Variants in CNTNAP2 observed in about 807,000 individuals in gnomAD.
CNTNAP2 encodes the protein contactin-associated protein-like 2.
CNTNAP2 carries 98 observed loss-of-function variants against 155.2 expected under a neutral mutation model. The observed-to-expected ratio is 0.63, with a 90% CI of 0.54 to 0.75. The LOEUF is 0.75. Ranked by LOEUF, CNTNAP2 falls within the 30% of genes least tolerant of loss-of-function variation. The pLI is 0.00. For synonymous variants in CNTNAP2, 651 were observed against 631.2 expected (o/e 1.03, Z -0.47); for missense variants, 1,727 against 1,688.1 (o/e 1.02, Z -0.40).
chr7:148,412,235 C>T (rs571404455), intron 23 of CNTNAP2, among the ~76,000 whole-genome samples: 6 of 152,342 alleles, frequency 3.9e-5, no homozygotes, highest in South Asian at 2.1e-4. Context: ...CCATCGCTCC[C>T]GGCCTGTTGT....
intron 12 of CNTNAP2, among the ~76,000 whole-genome samples, chr7:147,573,797 C>T (rs966113158): frequency 1.3e-5 from 2 of 152,078 alleles, no homozygotes; most frequent in African/African-American, 4.8e-5. Context: ...ATGTCTTCAT[C>T]CCCCCTATAT....
intron 1 of CNTNAP2, among the ~76,000 whole-genome samples, chr7:146,679,149 C>T (rs1800455770): frequency 6.6e-6 from 1 of 152,064 alleles, no homozygotes; most frequent in Non-Finnish European, 1.5e-5. Flanking sequence ...TTCTGATCCT[C>T]TTCCTCCTCC....
chr7:146,443,230 T>TAATA (rs540097334), intron 1 of CNTNAP2, among the ~76,000 whole-genome samples: 43,228 of 147,622 alleles, frequency 0.29, 6,552 homozygotes, highest in Admixed American at 0.41. Flanking sequence ...AATAAATAAA[T>TAATA]AATAAATAAA....
intron 1 of CNTNAP2, among the ~76,000 whole-genome samples, chr7:146,657,195 CT>C (rs1476384334): frequency 6.6e-6 from 1 of 152,132 alleles, no homozygotes; most frequent in Non-Finnish European, 1.5e-5. Flanking sequence ...AAAACTGTTC[CT>C]TAACTAATCC....
intron 9 of CNTNAP2, among the ~76,000 whole-genome samples, chr7:147,353,022 G>A (rs1345226640): frequency 1.3e-5 from 2 of 151,136 alleles, no homozygotes; most frequent in African/African-American, 4.9e-5. Context: ...ATAGCAATTA[G>A]TCACTCATAT....
intron 1 of CNTNAP2, among the ~76,000 whole-genome samples, chr7:146,409,369 T>C (rs1272102284): frequency 6.6e-6 from 1 of 152,196 alleles, no homozygotes; most frequent in African/African-American, 2.4e-5. Context: ...AAATTTTAAA[T>C]AGAGTTTTAG....
chr7:147,980,768 C>CAAAAAAAAAAAA (rs375398761), intron 15 of CNTNAP2, among the ~76,000 whole-genome samples: 127 of 135,638 alleles, frequency 9.4e-4, no homozygotes, highest in East Asian at 2.4e-3. Context: ...ACTAAAAATA[C>CAAAAAAAAAAAA]AAAAAAAAAA....
At chr7:146,752,632 A>G (rs947436812) in intron 1 of CNTNAP2, among the ~76,000 whole-genome samples, 2 of 152,086 alleles carry the variant, frequency 1.3e-5, no homozygotes, top group Admixed American at 6.5e-5. Flanking sequence ...ATTAGATCCT[A>G]TTTATCAATT....
At chr7:146,673,532 C>T (rs1800344800) in intron 1 of CNTNAP2, among the ~76,000 whole-genome samples, 1 of 152,114 alleles carries the variant, frequency 6.6e-6, no homozygotes. Context: ...CAGAGTATAG[C>T]CTACTCTTGT....
intron 1 of CNTNAP2, among the ~76,000 whole-genome samples, chr7:146,665,405 T>A (rs987401727): frequency 1.3e-5 from 2 of 152,216 alleles, no homozygotes; most frequent in African/African-American, 2.4e-5. Context: ...AATTTCCCTG[T>A]GACTATGTCT....
chr7:148,057,946 C>T (rs1434707347), intron 15 of CNTNAP2, among the ~76,000 whole-genome samples: 1 of 111,550 alleles, frequency 9.0e-6, no homozygotes, highest in East Asian at 3.1e-4. Flanking sequence ...GACTCAGCTT[C>T]CAGCTTATTA....
At chr7:146,376,594 T>C (rs2129103847) in intron 1 of CNTNAP2, among the ~76,000 whole-genome samples, 1 of 152,326 alleles carries the variant, frequency 6.6e-6, no homozygotes, top group South Asian at 2.1e-4. Context: ...TGTTATTGTT[T>C]TTTCCAGTTT....
At chr7:148,400,446 A>G (rs1318487613) in intron 22 of CNTNAP2, among the ~76,000 whole-genome samples, 1 of 152,204 alleles carries the variant, frequency 6.6e-6, no homozygotes, top group African/African-American at 2.4e-5. Flanking sequence ...AAGGAAAAGA[A>G]GCCGCGACAA....
chr7:147,895,776 C>A (rs953615158), intron 13 of CNTNAP2, among the ~76,000 whole-genome samples: 1 of 152,186 alleles, frequency 6.6e-6, no homozygotes, highest in African/African-American at 2.4e-5. Flanking sequence ...TAAGGGAATT[C>A]TTTGCTCAAA....
intron 13 of CNTNAP2, among the ~76,000 whole-genome samples, chr7:147,698,933 A>C (rs898412485): frequency 6.6e-6 from 1 of 152,182 alleles, no homozygotes; most frequent in Admixed American, 6.5e-5. Flanking sequence ...GAAAAAATCA[A>C]CAACAACCTT....
chr7:147,037,860 A>G (rs944974389), intron 3 of CNTNAP2, among the ~76,000 whole-genome samples: 5 of 152,188 alleles, frequency 3.3e-5, no homozygotes, highest in African/African-American at 7.2e-5. Flanking sequence ...TCAAATACTG[A>G]TATTTATGGA....
intron 10 of CNTNAP2, among the ~76,000 whole-genome samples, chr7:147,468,369 C>G (rs1798156109): frequency 6.6e-6 from 1 of 152,120 alleles, no homozygotes; most frequent in Non-Finnish European, 1.5e-5. Flanking sequence ...TTTGATATTA[C>G]TTGTATATTG....
intron 13 of CNTNAP2, among the ~76,000 whole-genome samples, chr7:147,885,730 AC>A (rs1563123621): frequency 2.0e-5 from 3 of 152,142 alleles, no homozygotes; most frequent in African/African-American, 7.2e-5. Context: ...ATGTCGGCCA[AC>A]CTTTACCCTT....
chr7:147,459,344 C>G lies in CNTNAP2; in HGVS notation c.1671-26591C>G, dbSNP rs981759065. On this transcript the variant is annotated intron_variant, in intron 10 of 23. Transcript: ENST00000361727. ...TTGTACCTCCAGTTCTATGATTTCACTCTGGATACTGCTAGAAAAGTAGCC... is the reference window on the plus strand; with the variant it reads ...TTGTACCTCCAGTTCTATGATTTCAGTCTGGATACTGCTAGAAAAGTAGCC... Among the ~76,000 whole-genome samples the G allele has an allele frequency of 3.3e-5, 5 of 152,246 alleles. No individual in the cohort carries two copies. The South Asian group carries it at 6.2e-4, about 19-fold the overall frequency.
Sources: gnomAD v4.1 joint callset for allele counts (sites outside exome capture counted in the v4.1 genomes callset) on GRCh38, gnomAD v4.1.1 for gene constraint, MANE v1.5 for transcripts, NCBI Gene and HGNC (gene_info 2026-07-23, HGNC 2026-07-21) for gene names.